Variants in GRM4 observed in about 807,000 individuals in gnomAD.
The protein encoded by GRM4 is metabotropic glutamate receptor 4.
A neutral mutation model predicts 81.7 loss-of-function variants in GRM4; 28 were observed. That is an observed-to-expected ratio of 0.34 (90% CI 0.25 to 0.47). The LOEUF (loss-of-function observed/expected upper bound fraction) is 0.47. GRM4 is among the 20% of genes least tolerant of loss of function. GRM4 has a pLI of 1.00. For missense variants in GRM4, 948 were observed against 1,290.0 expected, an observed-to-expected ratio of 0.73 and a Z score of 4.06; for synonymous variants, 488 against 528.8, an observed-to-expected ratio of 0.92 and a Z score of 1.06.
chr6:34,059,231 C>T lies in GRM4; in HGVS notation c.873-103G>A. 9.6e-7 allele frequency: 1 copy of T among 1,043,498 alleles called. No homozygotes were observed. Among genetic ancestry groups the T allele is most frequent in the South Asian group, 1.5e-5 (1 of 68,408 alleles). 64.6% of individuals were successfully genotyped at this position (1,043,498 alleles called of 1,614,324 possible). A position where few individuals can be genotyped will look rare whatever the true frequency, so the allele number is the denominator to read the frequency against. Reference sequence around the variant, plus strand: ...GGCCCACGTCCCTCACCCCCAGAAGCCCAGGGTCCACAACTGTCCCAGCAC... The same window carrying T: ...GGCCCACGTCCCTCACCCCCAGAAGTCCAGGGTCCACAACTGTCCCAGCAC... On this transcript the variant is annotated intron_variant, in intron 4 of 10. Transcript: ENST00000538487. This position sits in a 1 kb window ranked among gnomAD's most constrained non-coding sequence, Gnocchi z 5.7.
rs1770458892 is a variant in GRM4 at position 34,136,504 on chromosome 6, C to G, written c.-363-2645G>C. ...CTTCCAGATCCTTCGTGAGGGCTCA[C>G]ACTGGCTTCTCCTTGAGGCCGGAGC... On this transcript the variant is annotated intron_variant, in intron 1 of 10. Coordinates refer to ENST00000538487, the MANE Select transcript of GRM4 (RefSeq NM_000841.4). The surrounding 1 kb of genome is among the most constrained non-coding windows in gnomAD (Gnocchi z 4.1). Among the ~76,000 whole-genome samples the G allele has an allele frequency of 1.3e-5, 2 of 151,846 alleles. No homozygotes were observed. The highest frequency in any genetic ancestry group is 1.3e-4 in the Admixed American group (2 of 15,254).
chr6:34,081,376 A>G (rs1767584802), intron 3 of GRM4, among the ~76,000 whole-genome samples: 1 of 152,206 alleles, frequency 6.6e-6, no homozygotes, highest in Admixed American at 6.5e-5. Context: ...AAGGAGTCTC[A>G]GGGGTCTGTA....
chr6:34,044,894 A>G (rs1247947868), intron 6 of GRM4, among the ~76,000 whole-genome samples: 1 of 147,954 alleles, frequency 6.8e-6, no homozygotes, highest in Non-Finnish European at 1.5e-5. Context: ...AGACATACAC[A>G]TACACACACA....
In GRM4 at chr6:34,106,415, A is replaced by C. The variant is rs1160311155; in HGVS notation, c.520-14316T>G. ...GGGAGACAGAGCAAGGCTCAGTCTC[A>C]AAAAAAAAAAAAAGAAAGAAAGAAA... On this transcript the variant is annotated intron_variant, in intron 2 of 10. Coordinates refer to ENST00000538487, the MANE Select transcript of GRM4 (RefSeq NM_000841.4). Among the ~76,000 whole-genome samples, 20 of 29,066 alleles carry C rather than the reference A, an allele frequency of 6.9e-4. No homozygotes were observed. The Admixed American group carries it at 8.9e-3, about 13-fold the overall frequency. The allele number at this position is 29,066 out of a possible 152,430, so 19.1% of individuals were successfully genotyped here. A position where few individuals can be genotyped will look rare whatever the true frequency, so the allele number is the denominator to read the frequency against.
rs1763799011 is a variant in GRM4, at chr6:34,019,580, A to G, written c.*3241T>C. On this transcript the variant is annotated 3_prime_UTR_variant, in exon 11 of 11. Transcript: ENST00000538487. ...GTCTAGAAGTTCCCCTGCTGGTTAGAAAGTGTGCTGTGGGGTGGGATGTCT... is the reference window on the plus strand; with the variant it reads ...GTCTAGAAGTTCCCCTGCTGGTTAGGAAGTGTGCTGTGGGGTGGGATGTCT... The G allele has an allele frequency of 6.6e-6, 1 of 152,244 alleles. No homozygotes were observed. Among genetic ancestry groups the G allele is most frequent in the Non-Finnish European group, 1.5e-5 (1 of 68,136 alleles). The allele number at this position is 152,244 out of a possible 1,614,324, so 9.4% of individuals were successfully genotyped here.
intron 3 of GRM4, among the ~76,000 whole-genome samples, chr6:34,082,452 A>G (rs540953207): frequency 6.6e-6 from 1 of 152,296 alleles, no homozygotes; most frequent in South Asian, 2.1e-4. Context: ...ACGAGAAGTC[A>G]GTGAGGGATG....
chr6:34,113,065 TTC>T (rs1226004581), intron 2 of GRM4, among the ~76,000 whole-genome samples: 4 of 152,084 alleles, frequency 2.6e-5, no homozygotes, highest in Non-Finnish European at 4.4e-5. Flanking sequence ...TTTACATACA[TTC>T]TCTGTTTTCC....
chr6:34,053,060 A>G (rs1192887386), intron 6 of GRM4, among the ~76,000 whole-genome samples: 17 of 152,214 alleles, frequency 1.1e-4, no homozygotes, highest in Non-Finnish European at 2.9e-5. Flanking sequence ...AGCAATAACA[A>G]TCATTTTATC....
At position 34,031,396 on chromosome 6, in the gene GRM4, A is replaced by G. The variant is rs1764412476; in HGVS notation, c.2443-3030T>C. Among the ~76,000 whole-genome samples the G allele has an allele frequency of 1.3e-5, 2 of 152,150 alleles. 1 individual carries two copies. Among genetic ancestry groups the G allele is most frequent in the South Asian group, 4.1e-4 (2 of 4,826 alleles). The stretch of plus-strand genomic sequence containing the variant: ...TGAGTTTGATACAGGAGGACAGAGG[A>G]CACCTGGGGTGAGGATAGGGCACAG... On this transcript the variant is annotated intron_variant, in intron 9 of 10. Transcript: ENST00000538487.
At chr6:34,137,474 G>T (rs976704079) in intron 1 of GRM4, among the ~76,000 whole-genome samples, 1 of 152,256 alleles carries the variant, frequency 6.6e-6, no homozygotes, top group African/African-American at 2.4e-5. Flanking sequence ...CAACAGTCAG[G>T]GTAAGGGGGA....
At position 34,069,662 on chromosome 6, in the gene GRM4, G is replaced by GTGTGTGTGTGTGTT. The variant is rs1766695214; in HGVS notation, c.737-7635_737-7634insAACACACACACACA. ...GGCAGCCCCCAGTGTGTGTGTGTGT[G>GTGTGTGTGTGTGTT]TGTGTGTGTGTGTGTGTGTGTGTGT... On this transcript the variant is annotated intron_variant, in intron 3 of 10. Transcript: ENST00000538487. This position sits in a 1 kb window ranked among gnomAD's most constrained non-coding sequence, Gnocchi z 6.4. 1.1e-5 allele frequency among the ~76,000 whole-genome samples: 1 copy of GTGTGTGTGTGTGTT among 89,864 alleles called. No individual in the cohort carries two copies. The highest frequency in any genetic ancestry group is 1.9e-5 in the Non-Finnish European group (1 of 53,140). 59.0% of individuals were successfully genotyped at this position (89,864 alleles called of 152,430 possible). A position where few individuals can be genotyped will look rare whatever the true frequency, so the allele number is the denominator to read the frequency against.
chr6:34,135,975 C>G (rs1770439440), intron 1 of GRM4, among the ~76,000 whole-genome samples: 1 of 152,152 alleles, frequency 6.6e-6, no homozygotes, highest in South Asian at 2.1e-4. Context: ...GGCTACTAGC[C>G]CGTGTGCAGG....
intron 3 of GRM4, among the ~76,000 whole-genome samples, chr6:34,076,371 C>G (rs1387711): frequency 0.083 from 12,684 of 152,140 alleles, 1,089 homozygotes; most frequent in African/African-American, 0.21. Flanking sequence ...AGGCTAGGAG[C>G]AAGGGGTGGC....
intron 2 of GRM4, among the ~76,000 whole-genome samples, chr6:34,110,287 C>T (rs1429578851): frequency 1.5e-5 from 2 of 136,738 alleles, no homozygotes; most frequent in African/African-American, 5.6e-5. Context: ...GAGCAAGACC[C>T]TGTCTCAAAA....
chr6:34,067,389 C>T (rs1476914333), intron 3 of GRM4, among the ~76,000 whole-genome samples: 1 of 142,420 alleles, frequency 7.0e-6, no homozygotes, highest in East Asian at 2.1e-4. Flanking sequence ...TCCGTCCTTC[C>T]CTCCCTCCCT....
rs865931162 is a variant in GRM4, at chr6:34,136,584, A to G, written c.-363-2725T>C. ...TGCGGACACACACACACACACACAC[A>G]CACACACACACACACACACACGGGG... On this transcript the variant is annotated intron_variant, in intron 1 of 10. Coordinates refer to ENST00000538487, the MANE Select transcript of GRM4 (RefSeq NM_000841.4). The surrounding 1 kb of genome is among the most constrained non-coding windows in gnomAD (Gnocchi z 4.1). Among the ~76,000 whole-genome samples, 3 of 151,414 alleles carry G rather than the reference A, an allele frequency of 2.0e-5. No individual in the cohort carries two copies. Among genetic ancestry groups the G allele is most frequent in the African/African-American group, 7.3e-5 (3 of 41,124 alleles).
Position 34,036,419 on chromosome 6 carries a change from A to G in GRM4, c.1691T>C (p.Met564Thr), listed in dbSNP as rs765885524. ...GCCCGTGCGGTTCTCTGTGGGCCGC[A>G]TGTCATAGGGACACGTCTTACAGGT... The part of the protein sequence containing the change: ...RYTCKTCPYD[M>T]RPTENRTGCR... The change falls in exon 9 of 11, where the codon ATG (methionine) becomes ACG (threonine). Residue 564 changes from methionine (M) to threonine (T), a missense_variant. Physicochemically the swap from Met to Thr is moderately conservative, Grantham distance 81. Coordinates refer to ENST00000538487, the MANE Select transcript of GRM4 (RefSeq NM_000841.4). This position sits in a 1 kb window ranked among gnomAD's most constrained non-coding sequence, Gnocchi z 9.0. 4 of 1,612,714 alleles carry G rather than the reference A, an allele frequency of 2.5e-6. No individual in the cohort carries two copies. The highest frequency in any genetic ancestry group is 3.4e-6 in the Non-Finnish European group (4 of 1,179,064).
chr6:34,103,107 G>A (rs944831084), intron 2 of GRM4, among the ~76,000 whole-genome samples: 1 of 152,154 alleles, frequency 6.6e-6, no homozygotes, highest in Non-Finnish European at 1.5e-5. Context: ...GGAAGCAAAC[G>A]CTGGGAAGCT....
chr6:34,117,713 C>A (rs568473383), intron 2 of GRM4, among the ~76,000 whole-genome samples: 1 of 152,270 alleles, frequency 6.6e-6, no homozygotes, highest in South Asian at 2.1e-4. Context: ...CTCACCTGCC[C>A]CCATGGGGAG....
Sources: gnomAD v4.1 joint callset for allele counts (sites outside exome capture counted in the v4.1 genomes callset) on GRCh38, gnomAD v4.1.1 for gene constraint, Gnocchi (gnomAD v3.1) non-coding constraint, MANE v1.5 for transcripts, NCBI Gene and HGNC (gene_info 2026-07-23, HGNC 2026-07-21) for gene names.